The following NECTIN2 variants were observed in gnomAD, a reference collection of about 807,000 sequenced individuals.
The protein encoded by NECTIN2 is nectin cell adhesion molecule 2, also known as nectin-2.
In NECTIN2, 23 loss-of-function variants were observed where a neutral mutation model predicts 56.9. The observed-to-expected ratio is 0.40, with a 90% CI of 0.29 to 0.57. The LOEUF (loss-of-function observed/expected upper bound fraction) is 0.57, where lower values mean the gene tolerates loss of function less well. NECTIN2 is among the 20% of genes least tolerant of loss of function. The probability of loss-of-function intolerance (pLI) is 0.38; values close to 1 mark genes in which losing one functional copy is unlikely to be tolerated. For synonymous variants in NECTIN2, 302 were observed against 313.8 expected (o/e 0.96, Z 0.40); for missense variants, 587 against 718.3 (o/e 0.82, Z 2.09).
At chr19:44,855,828 C>T (rs1968959264) in intron 1 of NECTIN2, among the ~76,000 whole-genome samples, 1 of 152,288 alleles carries the variant, frequency 6.6e-6, no homozygotes, top group Non-Finnish European at 1.5e-5. Flanking sequence ...GGGAAAAACA[C>T]AGACAAACCT....
intron 2 of NECTIN2, 54 bp from the exon 3 acceptor site, chr19:44,871,799 T>G (rs991769087): frequency 1.3e-6 from 2 of 1,567,838 alleles, no homozygotes; most frequent in Non-Finnish European, 1.7e-6. Context: ...TGCTGAGTGT[T>G]TGTTGAATGA....
Position 44,865,239 on chromosome 19 carries a change from C to A in NECTIN2, c.89-32C>A. 1 of 1,567,702 alleles carries A rather than the reference C, an allele frequency of 6.4e-7. No homozygotes were observed. Among genetic ancestry groups the A allele is most frequent in the Admixed American group, 1.8e-5 (1 of 56,936 alleles). ...GAGGTGTCTGGGTCCCTCCCCCACC[C>A]GACTACTTCACTCTCTGTCCTCTCT... On this transcript the variant is annotated intron_variant, in intron 1 of 8. Transcript: ENST00000252483. The surrounding 1 kb of genome is among the most constrained non-coding windows in gnomAD (Gnocchi z 5.2).
rs1015097213 is a variant in NECTIN2 at position 44,875,621 on chromosome 19, G to A, written c.1042+1143G>A. On this transcript the variant is annotated intron_variant, in intron 5 of 8. Transcript: ENST00000252483. The surrounding 1 kb of genome is among the most constrained non-coding windows in gnomAD (Gnocchi z 4.2). ...GCGACGGTCCATGCAGCACACCTGT[G>A]CAAACACGCAATGTGCAGGCCCCCC... Among the ~76,000 whole-genome samples, 2 of 152,212 alleles carry A rather than the reference G, an allele frequency of 1.3e-5. No homozygotes were observed. The highest frequency in any genetic ancestry group is 4.8e-5 in the African/African-American group (2 of 41,462).
rs756696559 is a variant in NECTIN2 at position 44,865,311 on chromosome 19, A to C, written c.129A>C (p.Arg43=). The C allele has an allele frequency of 1.8e-5, 29 of 1,613,676 alleles. No homozygotes were observed. The highest frequency in any genetic ancestry group is 2.2e-5 in the Non-Finnish European group (26 of 1,179,854). The change falls in exon 2 of 9, where the codon CGA becomes CGC. Residue 43 remains arginine, a synonymous_variant. Coordinates refer to ENST00000252483, the MANE Select transcript of NECTIN2 (RefSeq NM_001042724.2). The surrounding 1 kb of genome is among the most constrained non-coding windows in gnomAD (Gnocchi z 5.2). ...DVRVQVLPEV[R]GQLGGTVELP... is the part of the protein sequence containing the mutation. ...GAGTTCAAGTGCTACCCGAGGTGCGAGGCCAGCTCGGGGGCACCGTGGAGC... is the reference window on the plus strand; with the variant it reads ...GAGTTCAAGTGCTACCCGAGGTGCGCGGCCAGCTCGGGGGCACCGTGGAGC...
At chr19:44,873,791 C>T (rs1969204113) in intron 3 of NECTIN2, 125 bp from the exon 4 acceptor site, 4 of 704,088 alleles carry the variant, frequency 5.7e-6, no homozygotes, top group Admixed American at 2.0e-5. Context: ...TTGCCCCAGA[C>T]AGTTTTGACT....
chr19:44,887,076 A>G (rs283815), intron 8 of NECTIN2, among the ~76,000 whole-genome samples: 44,122 of 151,884 alleles, frequency 0.29, 7,408 homozygotes, highest in African/African-American at 0.47. Context: ...CTGGTCAGGC[A>G]TGGTGGCTCA....
At chr19:44,850,797 T>C (rs1968890546) in intron 1 of NECTIN2, among the ~76,000 whole-genome samples, 1 of 152,164 alleles carries the variant, frequency 6.6e-6, no homozygotes. Flanking sequence ...TTGGGCACTG[T>C]GATTAATACA....
At chr19:44,864,826 T>TC (rs1969078076) in intron 1 of NECTIN2, among the ~76,000 whole-genome samples, 1 of 150,060 alleles carries the variant, frequency 6.7e-6, no homozygotes, top group Non-Finnish European at 1.5e-5. Flanking sequence ...AGACTCCGTC[T>TC]CAAAAAAAAA....
Position 44,874,457 on chromosome 19 carries a change from G to A in NECTIN2, c.1021G>A (p.Glu341Lys). The A allele has an allele frequency of 6.2e-7, 1 of 1,613,890 alleles. No homozygotes were observed. The highest frequency in any genetic ancestry group is 1.1e-5 in the South Asian group (1 of 91,074). The part of the protein sequence containing the change: ...VTNAVGMGRA[E>K]QVIFVRETPN... Reference sequence around the variant, plus strand: ...CAATGCCGTGGGCATGGGCCGCGCTGAGCAGGTCATCTTTGTCCGAGGTGA... The same window carrying A: ...CAATGCCGTGGGCATGGGCCGCGCTAAGCAGGTCATCTTTGTCCGAGGTGA... The change falls in exon 5 of 9, where the codon GAG becomes AAG. Residue 341 changes from glutamate (E) to lysine (K), a missense_variant. Glu to Lys is a moderately conservative substitution (Grantham distance 56). Transcript: ENST00000252483. This position sits in a 1 kb window ranked among gnomAD's most constrained non-coding sequence, Gnocchi z 6.3.
intron 2 of NECTIN2, among the ~76,000 whole-genome samples, chr19:44,867,640 G>T (rs999823187): frequency 2.6e-5 from 4 of 152,196 alleles, no homozygotes; most frequent in Non-Finnish European, 4.4e-5. Context: ...AGAGGGGCAC[G>T]GGCACAGAAA....
intron 2 of NECTIN2, among the ~76,000 whole-genome samples, chr19:44,871,362 A>G (rs956200923): frequency 1.3e-5 from 2 of 152,072 alleles, no homozygotes; most frequent in African/African-American, 4.8e-5. Flanking sequence ...ACTCATCTCT[A>G]CAAAAAAATT....
At chr19:44,869,745 T>TTTTG (rs373090569) in intron 2 of NECTIN2, among the ~76,000 whole-genome samples, 10 of 151,984 alleles carry the variant, frequency 6.6e-5, no homozygotes, top group East Asian at 1.9e-4. Context: ...GCAAGTGAGC[T>TTTTG]TTTGTTTGTT....
chr19:44,865,788 G>A lies in NECTIN2; in HGVS notation c.478+128G>A, dbSNP rs993675095. The A allele has an allele frequency of 6.9e-5, 79 of 1,137,318 alleles. No homozygotes were observed. In the South Asian group the frequency reaches 1.3e-3, roughly 19 times the overall value. The allele number at this position is 1,137,318 out of a possible 1,614,324, so 70.5% of individuals were successfully genotyped here. ...ATTCTCTGTGGGTTTCCATCCATCAGCAAATGTTCATTAAGCACCTACCGC... is the reference window on the plus strand; with the variant it reads ...ATTCTCTGTGGGTTTCCATCCATCAACAAATGTTCATTAAGCACCTACCGC... On this transcript the variant is annotated intron_variant, in intron 2 of 8. Transcript: ENST00000252483. This position sits in a 1 kb window ranked among gnomAD's most constrained non-coding sequence, Gnocchi z 5.2.
rs1969359710 is a variant in NECTIN2 at position 44,886,208 on chromosome 19, T to C, written c.1336T>C (p.Cys446Arg). The change falls in exon 8 of 9, where the codon TGC (cysteine) becomes CGC (arginine). Residue 446 changes from cysteine (C) to arginine (R), a missense_variant. By Grantham distance (180) the Cys-to-Arg change is radical (BLOSUM62 -3). Transcript: ENST00000252483. Reference protein sequence around the residue: ...KTPYFDAGASCTEQEMPRYHE... With the variant: ...KTPYFDAGASRTEQEMPRYHE... Reference sequence around the variant, plus strand: ...CCCCTACTTTGATGCTGGCGCCTCATGCACTGAGCAGGTAGGAGCTCATGG... The same window carrying C: ...CCCCTACTTTGATGCTGGCGCCTCACGCACTGAGCAGGTAGGAGCTCATGG... 1.2e-6 allele frequency: 2 copies of C among 1,611,386 alleles called. No homozygotes were observed. Among genetic ancestry groups the C allele is most frequent in the Non-Finnish European group, 1.7e-6 (2 of 1,179,164 alleles).
chr19:44,886,124 C>T lies in NECTIN2; in HGVS notation c.1261-9C>T, dbSNP rs191568940. 1,102 of 1,609,092 alleles carry T rather than the reference C, an allele frequency of 6.8e-4. 5 individuals are homozygous for T. The African/African-American group carries it at 0.012, about 18-fold the overall frequency. ...AGTTCCTGACCTCCCCGCCCCTCTCCCACTACAGCCCTCCCAGCTCTTCAC... is the reference window on the plus strand; with the variant it reads ...AGTTCCTGACCTCCCCGCCCCTCTCTCACTACAGCCCTCCCAGCTCTTCAC... On this transcript the variant is annotated splice_polypyrimidine_tract_variant and intron_variant, in intron 7 of 8. Coordinates refer to ENST00000252483, the MANE Select transcript of NECTIN2 (RefSeq NM_001042724.2).
intron 6 of NECTIN2, among the ~76,000 whole-genome samples, chr19:44,884,980 T>A (rs1255301211): frequency 6.6e-6 from 1 of 151,948 alleles, no homozygotes; most frequent in African/African-American, 2.4e-5. Context: ...CTTTCTTTTT[T>A]TTCTTTTCTT....
chr19:44,883,789 C>T (rs1263034455), intron 6 of NECTIN2, among the ~76,000 whole-genome samples: 1 of 152,098 alleles, frequency 6.6e-6, no homozygotes, highest in Non-Finnish European at 1.5e-5. Context: ...CATGCCACTG[C>T]ACTCTAGCCC....
At chr19:44,882,842 T>C (rs1044684355) in intron 6 of NECTIN2, among the ~76,000 whole-genome samples, 11 of 150,094 alleles carry the variant, frequency 7.3e-5, no homozygotes, top group Non-Finnish European at 1.6e-4. Context: ...AATACAGTGA[T>C]GCAATCTCGG....
At chr19:44,869,087 C>T (rs928354424) in intron 2 of NECTIN2, among the ~76,000 whole-genome samples, 1 of 151,932 alleles carries the variant, frequency 6.6e-6, no homozygotes, top group Admixed American at 6.6e-5. Context: ...CACATGAAAC[C>T]ACAGCCGTTT....
Sources: gnomAD v4.1 joint callset for allele counts (sites outside exome capture counted in the v4.1 genomes callset) on GRCh38, gnomAD v4.1.1 for gene constraint, Gnocchi (gnomAD v3.1) non-coding constraint, MANE v1.5 for transcripts, NCBI Gene and HGNC (gene_info 2026-07-23, HGNC 2026-07-21) for gene names.